The following MAP2K7 variants were observed in gnomAD, a reference collection of about 807,000 sequenced individuals.
MAP2K7 encodes the protein dual specificity mitogen-activated protein kinase kinase 7.
A neutral mutation model predicts 47.7 loss-of-function variants in MAP2K7; 12 were observed. The ratio of observed to expected loss-of-function variants is 0.25; its 90% confidence interval spans 0.16 to 0.41. The LOEUF (loss-of-function observed/expected upper bound fraction) is 0.41. MAP2K7 is among the 10% of genes least tolerant of loss of function. The pLI is 1.00. For synonymous variants in MAP2K7, 299 were observed against 243.0 expected, an observed-to-expected ratio of 1.23 and a Z score of -2.14; for missense variants, 415 against 600.3, an observed-to-expected ratio of 0.69 and a Z score of 3.23.
At chr19:7,904,969 C>T (rs1048774512) in intron 1 of MAP2K7, among the ~76,000 whole-genome samples, 11 of 151,750 alleles carry the variant, frequency 7.2e-5, no homozygotes, top group African/African-American at 1.2e-4. Context: ...CCCACCACCT[C>T]GGTACCTACC....
chr19:7,906,147 G>A (rs1257710600), intron 1 of MAP2K7: 1 of 483,618 alleles, frequency 2.1e-6, no homozygotes, highest in Non-Finnish European at 3.8e-6. Context: ...GGGGTGGGGG[G>A]GGTGCACGCC....
In MAP2K7 at chr19:7,913,792, G is replaced by A. The variant is rs924611005; in HGVS notation, c.*1361G>A. 8.5e-5 allele frequency: 13 copies of A among 152,310 alleles called. No individual in the cohort carries two copies. The highest frequency in any genetic ancestry group is 1.5e-4 in the African/African-American group (6 of 41,368). The allele number at this position is 152,310 out of a possible 1,614,324, so 9.4% of individuals were successfully genotyped here. A position where few individuals can be genotyped will look rare whatever the true frequency, so the allele number is the denominator to read the frequency against. Reference sequence around the variant, plus strand: ...CAAGAAAAAAAAAACACAAAACCCCGTAAAATCACAAAGAAAATCCAACAC... The same window carrying A: ...CAAGAAAAAAAAAACACAAAACCCCATAAAATCACAAAGAAAATCCAACAC... On this transcript the variant is annotated 3_prime_UTR_variant, in exon 11 of 11. Coordinates refer to ENST00000397979, the MANE Select transcript of MAP2K7 (RefSeq NM_145185.4).
At position 7,911,179 on chromosome 19, in the gene MAP2K7, C is replaced by T. The variant is rs767312896; in HGVS notation, c.855+20C>T. On this transcript the variant is annotated intron_variant, in intron 7 of 10. Coordinates refer to ENST00000397979, the MANE Select transcript of MAP2K7 (RefSeq NM_145185.4). ...ATGGCAGTGAGTGGGGGCCCCCCAG[C>T]GGGGGAGGGGGTGGGGGCTGGGAGG... The T allele has an allele frequency of 9.2e-5, 127 of 1,385,624 alleles. 2 individuals are homozygous for T. The highest frequency in any genetic ancestry group is 9.1e-4 in the South Asian group (76 of 83,814). The allele number at this position is 1,385,624 out of a possible 1,614,324, so 85.8% of individuals were successfully genotyped here. A position where few individuals can be genotyped will look rare whatever the true frequency, so the allele number is the denominator to read the frequency against.
At position 7,910,743 on chromosome 19, in the gene MAP2K7, G is replaced by T. The variant is rs773428876; in HGVS notation, c.615G>T (p.Lys205Asn). 6.2e-7 allele frequency: 1 copy of T among 1,612,084 alleles called. No individual in the cohort carries two copies. Among genetic ancestry groups the T allele is most frequent in the Non-Finnish European group, 8.5e-7 (1 of 1,179,560 alleles). Residue 205 changes from lysine to asparagine, a missense_variant, in exon 6 of 11, where the codon AAG becomes AAT. Around this residue, in one of 3 missense-constraint regions of MAP2K7, gnomAD observed 206 missense variants for 368.8 expected, o/e 0.56. Coordinates refer to ENST00000397979, the MANE Select transcript of MAP2K7 (RefSeq NM_145185.4). The part of the protein sequence containing the change: ...AMELMGTCAE[K>N]LKKRMQGPIP... ...AGCTCATGGGCACCTGCGCTGAGAA[G>T]CTCAAGAAGCGGATGCAGGGCCCCA...
At chr19:7,908,217 GC>G (rs1223072388) in intron 1 of MAP2K7, among the ~76,000 whole-genome samples, 1 of 151,934 alleles carries the variant, frequency 6.6e-6, no homozygotes, top group African/African-American at 2.4e-5. Flanking sequence ...GGCGGCAGTG[GC>G]CAGGACAGCG....
At chr19:7,911,928 G>GC (rs879601779) in intron 9 of MAP2K7, among the ~76,000 whole-genome samples, 3 of 152,112 alleles carry the variant, frequency 2.0e-5, no homozygotes, top group Admixed American at 2.0e-4. Context: ...GCCAGCTCTG[G>GC]CCCCCCAAGC....
chr19:7,910,421 G>A (rs1186286140), intron 4 of MAP2K7, 32 bp from the exon 5 acceptor site: 1 of 1,602,888 alleles, frequency 6.2e-7, no homozygotes, highest in African/African-American at 1.3e-5. Context: ...CCAGGCCGGT[G>A]CTGAGGCTCC....
chr19:7,910,403 C>T, intron 4 of MAP2K7, 30 bp downstream of exon 4: 1 of 1,605,274 alleles, frequency 6.2e-7, no homozygotes, highest in Non-Finnish European at 8.5e-7. Flanking sequence ...CCGGCTGCGC[C>T]CCACACCCCA....
intron 1 of MAP2K7, among the ~76,000 whole-genome samples, chr19:7,904,723 C>T (rs2145127445): frequency 6.6e-6 from 1 of 152,208 alleles, no homozygotes; most frequent in Non-Finnish European, 1.5e-5. Flanking sequence ...ACACCAGGCC[C>T]CGCAAATCCC....
intron 1 of MAP2K7, among the ~76,000 whole-genome samples, chr19:7,908,643 G>GC (rs1286029285): frequency 1.3e-5 from 2 of 152,024 alleles, no homozygotes; most frequent in South Asian, 4.1e-4. Context: ...CCCAGCTCCT[G>GC]TGGGAGGGGC....
chr19:7,907,703 G>C (rs773494803), intron 1 of MAP2K7, among the ~76,000 whole-genome samples: 2 of 152,136 alleles, frequency 1.3e-5, no homozygotes, highest in Non-Finnish European at 2.9e-5. Context: ...GGCCACCCTC[G>C]GAAGGCCTGG....
At chr19:7,910,159 AG>A in intron 3 of MAP2K7, 30 bp downstream of exon 3, 2 of 1,592,172 alleles carry the variant, frequency 1.3e-6, no homozygotes, top group Non-Finnish European at 1.7e-6. Flanking sequence ...GGGGAGAGGG[AG>A]GAGGCCCAGC....
Position 7,912,342 on chromosome 19 carries a change from G to T in MAP2K7, c.1171G>T (p.Ala391Ser). 1 of 1,613,608 alleles carries T rather than the reference G, an allele frequency of 6.2e-7. No homozygotes were observed. Among genetic ancestry groups the T allele is most frequent in the South Asian group, 1.1e-5 (1 of 91,088 alleles). Reference sequence around the variant, plus strand: ...CTACGAGACGCTGGAGGTGGACGTGGCGTCCTGGTTCAAGGATGTCATGGC... The same window carrying T: ...CTACGAGACGCTGGAGGTGGACGTGTCGTCCTGGTTCAAGGATGTCATGGC... ...KRYETLEVDV[A>S]SWFKDVMAKT... The change falls in exon 11 of 11, where the codon GCG becomes TCG. Residue 391 changes from alanine to serine, a missense_variant. By Grantham distance (99) the Ala-to-Ser change is moderately conservative. Transcript: ENST00000397979.
In MAP2K7 at chr19:7,909,751, CT is replaced by C. The variant is rs778994340; in HGVS notation, c.125-3del. The C allele has an allele frequency of 3.1e-5, 47 of 1,539,634 alleles. No individual in the cohort carries two copies. In the South Asian group the frequency reaches 3.2e-4, roughly 11 times the overall value. On this transcript the variant is annotated splice_polypyrimidine_tract_variant and splice_region_variant and intron_variant, in intron 1 of 10. Transcript: ENST00000397979. The stretch of plus-strand genomic sequence containing the variant: ...CTCCCTGCCACTGGTTCTCACCCCC[CT>C]AGCCCTGCAGCTCCCGCTGGCCAAC...
At position 7,911,237 on chromosome 19, in the gene MAP2K7, C is replaced by CCTCT. The variant is rs1555701255; in HGVS notation, c.856-12_856-11insTCTC. 1 of 1,509,426 alleles carries CCTCT rather than the reference C, an allele frequency of 6.6e-7. No individual in the cohort carries two copies. Among genetic ancestry groups the CCTCT allele is most frequent in the Admixed American group, 1.8e-5 (1 of 56,408 alleles). 93.5% of individuals were successfully genotyped at this position (1,509,426 alleles called of 1,614,324 possible). A position where few individuals can be genotyped will look rare whatever the true frequency, so the allele number is the denominator to read the frequency against. On this transcript the variant is annotated splice_polypyrimidine_tract_variant and intron_variant, in intron 7 of 10. Coordinates refer to ENST00000397979, the MANE Select transcript of MAP2K7 (RefSeq NM_145185.4). ...CAGCCTTGGAGATACGTCTTCTCCTCCCCCCCCTGCAGCCCGAGCGCATTG... is the reference window on the plus strand; with the variant it reads ...CAGCCTTGGAGATACGTCTTCTCCTCCTCTCCCCCCCTGCAGCCCGAGCGCATTG...
intron 1 of MAP2K7, among the ~76,000 whole-genome samples, chr19:7,908,232 G>A (rs1038492644): frequency 2.6e-5 from 4 of 151,998 alleles, no homozygotes; most frequent in Non-Finnish European, 5.9e-5. Flanking sequence ...GACAGCGGGA[G>A]GGGCACGGGA....
At chr19:7,910,419 G>A (rs746313373) in intron 4 of MAP2K7, 34 bp from the exon 5 acceptor site, 36 of 1,603,140 alleles carry the variant, frequency 2.2e-5, no homozygotes, top group Admixed American at 1.0e-4. Context: ...CCCCAGGCCG[G>A]TGCTGAGGCT....
chr19:7,903,931 T>TGGCGGC lies in MAP2K7; in HGVS notation c.-11_-6dup, dbSNP rs1234721833. 3 of 1,509,092 alleles carry TGGCGGC rather than the reference T, an allele frequency of 2.0e-6. No homozygotes were observed. Among genetic ancestry groups the TGGCGGC allele is most frequent in the Non-Finnish European group, 2.7e-6 (3 of 1,128,328 alleles). The allele number at this position is 1,509,092 out of a possible 1,614,324, so 93.5% of individuals were successfully genotyped here. On this transcript the variant is annotated 5_prime_UTR_variant, in exon 1 of 11. Transcript: ENST00000397979. ...GCGGCCGGGCGGTGCGCGGCGGCGG[T>TGGCGGC]GGCGGCGGGGAAGATGGCGGCGTCC... is the stretch of plus-strand genomic sequence containing the variant.
At chr19:7,911,666 G>A (rs1003552372) in intron 9 of MAP2K7, 88 bp downstream of exon 9, 39 of 1,340,352 alleles carry the variant, frequency 2.9e-5, no homozygotes, top group Middle Eastern at 2.6e-4. Flanking sequence ...AATGGAGGCC[G>A]CACCCTGGGA....
Sources: allele counts gnomAD v4.1 joint callset (sites outside exome capture counted in the v4.1 genomes callset), GRCh38; gene constraint gnomAD v4.1.1; regional missense constraint gnomAD v4.1.1; transcripts MANE v1.5; gene names NCBI Gene and HGNC (gene_info 2026-07-23, HGNC 2026-07-21).